The following THADA variants were observed in gnomAD, a reference collection of about 807,000 sequenced individuals.
The protein encoded by THADA is tRNA (32-2'-O)-methyltransferase regulator THADA.
THADA carries 213 observed loss-of-function variants against 219.8 expected under a neutral mutation model. The ratio of observed to expected loss-of-function variants is 0.97; its 90% CI spans 0.87 to 1.09. The LOEUF is 1.09. THADA is among the 50% of genes least tolerant of loss of function. The pLI is 0.00. For synonymous variants in THADA, 1,018 were observed against 828.9 expected (o/e 1.23, Z -3.92); for missense variants, 2,956 against 2,311.3 (o/e 1.28, Z -5.72).
At position 43,574,613 on chromosome 2, in the gene THADA, C is replaced by T; in HGVS notation, c.1452G>A (p.Val484=). The stretch of plus-strand genomic sequence containing the variant: ...AAGGTACCAATGACTGGTCTCCCAT[C>T]ACCTCTAAGATTTGAGATGGAATAG... ...DKTIPSQILE[V]MGDQSLVPYA... is the part of the protein sequence containing the mutation. Residue 484 remains valine, a synonymous_variant, in exon 11 of 38, where the codon GTG becomes GTA. Coordinates refer to ENST00000405975, the MANE Select transcript of THADA (RefSeq NM_022065.5). 6.2e-7 allele frequency: 1 copy of T among 1,613,996 alleles called. No individual in the cohort carries two copies. Among genetic ancestry groups the T allele is most frequent in the South Asian group, 1.1e-5 (1 of 91,082 alleles).
At chr2:43,466,384 T>G (rs1234521553) in intron 26 of THADA, among the ~76,000 whole-genome samples, 1 of 152,190 alleles carries the variant, frequency 6.6e-6, no homozygotes, top group Non-Finnish European at 1.5e-5. Context: ...CTTCTACTCA[T>G]CCTTCAAGCT....
At chr2:43,430,627 G>T (rs1291386616) in intron 26 of THADA, 1 of 462,890 alleles carries the variant, frequency 2.2e-6, no homozygotes, top group Non-Finnish European at 4.3e-6. Flanking sequence ...ACTATAAGTA[G>T]AGTCAACACC....
At chr2:43,311,461 C>T (rs79600922) in intron 31 of THADA, among the ~76,000 whole-genome samples, 1 of 152,172 alleles carries the variant, frequency 6.6e-6, no homozygotes, top group African/African-American at 2.4e-5. Context: ...TTTAGCAATT[C>T]TTCAAAAAGT....
intron 26 of THADA, among the ~76,000 whole-genome samples, chr2:43,449,071 T>G (rs1340939899): frequency 6.6e-6 from 1 of 151,760 alleles, no homozygotes; most frequent in Non-Finnish European, 1.5e-5. Flanking sequence ...AAAGAAGACA[T>G]GGAGAAAGTC....
At chr2:43,297,629 C>G (rs1572964924) in intron 31 of THADA, among the ~76,000 whole-genome samples, 3 of 103,340 alleles carry the variant, frequency 2.9e-5, no homozygotes, top group East Asian at 4.8e-4. Flanking sequence ...GCCAGCCCCC[C>G]CGTCCGGGAG....
intron 22 of THADA, among the ~76,000 whole-genome samples, chr2:43,516,930 C>A (rs1691800239): frequency 6.6e-6 from 1 of 152,152 alleles, no homozygotes; most frequent in Non-Finnish European, 1.5e-5. Flanking sequence ...AAAATGTTTT[C>A]ATGTGGCTTT....
At chr2:43,515,148 T>TAA (rs1491463669) in intron 22 of THADA, among the ~76,000 whole-genome samples, 3 of 5,818 alleles carry the variant, frequency 5.2e-4, no homozygotes, top group African/African-American at 1.1e-3. Context: ...ATATAATATA[T>TAA]TTTATATATT....
At chr2:43,501,367 A>G (rs2105070253) in intron 24 of THADA, among the ~76,000 whole-genome samples, 1 of 150,066 alleles carries the variant, frequency 6.7e-6, no homozygotes, top group Admixed American at 6.6e-5. Flanking sequence ...ATTAGTTTAA[A>G]AAATAATAAA....
intron 34 of THADA, among the ~76,000 whole-genome samples, chr2:43,287,964 G>A (rs1019648188): frequency 5.9e-5 from 9 of 152,164 alleles, no homozygotes; most frequent in Middle Eastern, 3.2e-3. Flanking sequence ...GGTGGAAGCT[G>A]GAGCAAACAG....
intron 36 of THADA, among the ~76,000 whole-genome samples, chr2:43,258,688 G>A (rs988436926): frequency 2.6e-5 from 4 of 152,172 alleles, no homozygotes; most frequent in African/African-American, 9.7e-5. Context: ...TATTTACACT[G>A]AGGGCCAGGG....
chr2:43,489,755 A>T (rs536246078), intron 25 of THADA, among the ~76,000 whole-genome samples: 1 of 151,822 alleles, frequency 6.6e-6, no homozygotes, highest in Non-Finnish European at 1.5e-5. Flanking sequence ...GCTCTAATTT[A>T]CTGTTGCTTT....
intron 25 of THADA, among the ~76,000 whole-genome samples, chr2:43,489,955 G>A (rs997070934): frequency 2.0e-5 from 3 of 148,872 alleles, no homozygotes; most frequent in Admixed American, 6.7e-5. Context: ...TGGGGAATAC[G>A]TCATCTTAAC....
Position 43,591,691 on chromosome 2 carries a change from T to C in THADA, c.171+261A>G, listed in dbSNP as rs1180937155. On this transcript the variant is annotated intron_variant, in intron 3 of 37. Transcript: ENST00000405975. ...TTTGAAGATTCATATATTTTAAAAT[T>C]TATCTCCACAAAAGAGGTATGCACA... Among the ~76,000 whole-genome samples the C allele has an allele frequency of 3.9e-5, 6 of 152,334 alleles. No individual in the cohort carries two copies. The East Asian group carries it at 1.2e-3, about 29-fold the overall frequency.
chr2:43,402,795 AGTGTGACTCCTGT>A (rs1237653003), intron 28 of THADA, among the ~76,000 whole-genome samples: 5 of 152,218 alleles, frequency 3.3e-5, no homozygotes, highest in Admixed American at 1.3e-4. Context: ...CTGCTGTGTA[AGTGTGACTCCTGT>A]GTGTGGGAGT....
intron 28 of THADA, among the ~76,000 whole-genome samples, chr2:43,418,790 T>C (rs535586068): frequency 6.6e-6 from 1 of 151,802 alleles, no homozygotes; most frequent in African/African-American, 2.4e-5. Context: ...CAAGGAGAGA[T>C]AGAAATAACG....
At chr2:43,343,918 A>G (rs1667336272) in intron 30 of THADA, 1 of 472,144 alleles carries the variant, frequency 2.1e-6, no homozygotes, top group Non-Finnish European at 3.9e-6. Flanking sequence ...CATGCCCCTC[A>G]GTCACTTAGC....
intron 36 of THADA, among the ~76,000 whole-genome samples, chr2:43,259,480 T>A (rs1321050128): frequency 6.6e-6 from 1 of 152,252 alleles, no homozygotes; most frequent in Non-Finnish European, 1.5e-5. Flanking sequence ...CAGGCCCCTG[T>A]AGGCAGCAGA....
At chr2:43,301,217 G>C (rs771497454) in intron 31 of THADA, among the ~76,000 whole-genome samples, 4 of 152,220 alleles carry the variant, frequency 2.6e-5, no homozygotes, top group Admixed American at 1.3e-4. Flanking sequence ...GTTTCACGCA[G>C]AGCACGTATG....
At chr2:43,574,011 T>G (rs1699572006) in intron 11 of THADA, among the ~76,000 whole-genome samples, 1 of 151,560 alleles carries the variant, frequency 6.6e-6, no homozygotes, top group African/African-American at 2.4e-5. Flanking sequence ...AATAAGCACA[T>G]TATATAAGAC....
Sources: allele counts gnomAD v4.1 joint callset (sites outside exome capture counted in the v4.1 genomes callset), GRCh38; gene constraint gnomAD v4.1.1; transcripts MANE v1.5; gene names NCBI Gene and HGNC (gene_info 2026-07-23, HGNC 2026-07-21).